Variants in GULP1 observed in about 807,000 individuals in gnomAD.
The protein encoded by GULP1 is PTB domain-containing engulfment adapter protein 1.
GULP1 carries 19 observed loss-of-function variants against 40.9 expected under a neutral mutation model. The ratio of observed to expected loss-of-function variants is 0.46; its 90% confidence interval spans 0.32 to 0.68. The LOEUF (loss-of-function observed/expected upper bound fraction) is 0.68, where lower values mean the gene tolerates loss of function less well. Among genes scored for constraint, GULP1 ranks in the 30% least tolerant of loss-of-function variants. The pLI is 0.03. For synonymous variants in GULP1, 119 were observed against 117.6 expected, an observed-to-expected ratio of 1.01 and a Z score of -0.08; for missense variants, 312 against 362.2, an observed-to-expected ratio of 0.86 and a Z score of 1.12.
intron 2 of GULP1, among the ~76,000 whole-genome samples, chr2:188,452,316 A>G (rs774921968): frequency 8.5e-5 from 13 of 152,194 alleles, no homozygotes; most frequent in Non-Finnish European, 1.9e-4. Context: ...TTTCACCTCC[A>G]GGTCACCAGC....
At chr2:188,438,864 A>C (rs956121779) in intron 2 of GULP1, among the ~76,000 whole-genome samples, 67 of 152,164 alleles carry the variant, frequency 4.4e-4, no homozygotes, top group African/African-American at 1.6e-3. Flanking sequence ...CATGTCTGTA[A>C]CAATAAACTG....
In GULP1 at chr2:188,542,988, T is replaced by A. The variant is rs544121313; in HGVS notation, c.399+1670T>A. 2.6e-5 allele frequency among the ~76,000 whole-genome samples: 4 copies of A among 152,262 alleles called. No individual in the cohort carries two copies. In the South Asian group the frequency reaches 8.3e-4, roughly 32 times the overall value. On this transcript the variant is annotated intron_variant, in intron 7 of 11. Transcript: ENST00000409830. ...TTCATTCTAAATATTGGCCTTCTTA[T>A]AGATTTGTGCCATTTGTTTTATATT...
At chr2:188,453,123 A>T (rs2058970286) in intron 2 of GULP1, among the ~76,000 whole-genome samples, 1 of 151,986 alleles carries the variant, frequency 6.6e-6, no homozygotes. Context: ...CTTCTTTTTA[A>T]TATGGAATTA....
At chr2:188,577,013 C>T (rs749781857) in intron 9 of GULP1, among the ~76,000 whole-genome samples, 3 of 152,094 alleles carry the variant, frequency 2.0e-5, no homozygotes, top group African/African-American at 7.2e-5. Context: ...AAGATGTGGG[C>T]ATAACAAGTT....
intron 1 of GULP1, among the ~76,000 whole-genome samples, chr2:188,296,771 C>G (rs2105922086): frequency 6.6e-6 from 1 of 151,946 alleles, no homozygotes; most frequent in Non-Finnish European, 1.5e-5. Context: ...GATATCAATA[C>G]CTGCCTTTAT....
chr2:188,523,174 A>G (rs79924507), intron 5 of GULP1, among the ~76,000 whole-genome samples: 5,974 of 152,296 alleles, frequency 0.039, 266 homozygotes, highest in African/African-American at 0.1. Context: ...TAGTAATGGC[A>G]TAACAACTGT....
At chr2:188,552,344 A>G (rs991968856) in intron 7 of GULP1, among the ~76,000 whole-genome samples, 2 of 151,780 alleles carry the variant, frequency 1.3e-5, no homozygotes, top group African/African-American at 4.8e-5. Flanking sequence ...TGATTTTTAT[A>G]TATGGTGATA....
chr2:188,458,711 ATTAACT>A (rs1559264737), intron 2 of GULP1, among the ~76,000 whole-genome samples: 1 of 152,156 alleles, frequency 6.6e-6, no homozygotes, highest in Non-Finnish European at 1.5e-5. Flanking sequence ...ATTTAACAAA[ATTAACT>A]TAAATTACTT....
At chr2:188,550,134 C>G (rs1693077533) in intron 7 of GULP1, among the ~76,000 whole-genome samples, 1 of 151,650 alleles carries the variant, frequency 6.6e-6, no homozygotes, top group South Asian at 2.1e-4. Context: ...TTTCTCACAG[C>G]TGAGTGTAAA....
chr2:188,476,314 C>A (rs115822006), intron 2 of GULP1, among the ~76,000 whole-genome samples: 1 of 152,184 alleles, frequency 6.6e-6, no homozygotes, highest in Non-Finnish European at 1.5e-5. Context: ...GAAGCTATTT[C>A]CAGAATCATG....
intron 2 of GULP1, among the ~76,000 whole-genome samples, chr2:188,418,381 C>T (rs977223201): frequency 3.9e-5 from 6 of 152,098 alleles, no homozygotes; most frequent in African/African-American, 1.4e-4. Context: ...CCTGTAATCC[C>T]AGCACTTTGG....
intron 7 of GULP1, among the ~76,000 whole-genome samples, chr2:188,556,388 G>A (rs553146974): frequency 7.2e-5 from 11 of 151,858 alleles, no homozygotes; most frequent in South Asian, 6.2e-4. Context: ...TTTCTCTTTC[G>A]TTCTTCTAAA....
chr2:188,422,650 T>A (rs2055610858), intron 2 of GULP1, among the ~76,000 whole-genome samples: 1 of 152,098 alleles, frequency 6.6e-6, no homozygotes, highest in South Asian at 2.1e-4. Flanking sequence ...CAAATTTAAT[T>A]GATAATTTTG....
At chr2:188,402,360 A>T (rs1367381451) in intron 2 of GULP1, among the ~76,000 whole-genome samples, 2 of 152,130 alleles carry the variant, frequency 1.3e-5, no homozygotes, top group South Asian at 2.1e-4. Context: ...GAAGCATAAA[A>T]ATTTTATCAT....
chr2:188,363,018 A>G (rs1371799653), intron 1 of GULP1, among the ~76,000 whole-genome samples: 1 of 152,138 alleles, frequency 6.6e-6, no homozygotes, highest in Non-Finnish European at 1.5e-5. Flanking sequence ...TGAAGTAGCT[A>G]AGTGACTGGA....
chr2:188,430,131 G>C (rs769183797), intron 2 of GULP1, among the ~76,000 whole-genome samples: 2 of 152,138 alleles, frequency 1.3e-5, no homozygotes, highest in African/African-American at 4.8e-5. Flanking sequence ...TGTCAAAGAT[G>C]TTAAAAGCCT....
intron 9 of GULP1, among the ~76,000 whole-genome samples, chr2:188,576,031 G>C (rs1009641837): frequency 6.6e-6 from 1 of 152,090 alleles, no homozygotes; most frequent in African/African-American, 2.4e-5. Context: ...AAAGGAGCAG[G>C]AATGTCCCTT....
chr2:188,520,211 C>A (rs1343394085), intron 4 of GULP1, among the ~76,000 whole-genome samples: 2 of 152,048 alleles, frequency 1.3e-5, no homozygotes, highest in Non-Finnish European at 2.9e-5. Context: ...TCTAGGGCCT[C>A]TTAACAATTT....
intron 2 of GULP1, among the ~76,000 whole-genome samples, chr2:188,411,471 C>T (rs112912331): frequency 2.6e-4 from 39 of 152,184 alleles, no homozygotes; most frequent in African/African-American, 7.7e-4. Flanking sequence ...ACTTTGTTCA[C>T]GAGTCCACTG....
Sources: gnomAD v4.1 joint callset for allele counts (sites outside exome capture counted in the v4.1 genomes callset) on GRCh38, gnomAD v4.1.1 for gene constraint, MANE v1.5 for transcripts, NCBI Gene and HGNC (gene_info 2026-07-23, HGNC 2026-07-21) for gene names.